FOXP2: variants seen among roughly 807,000 people sequenced by gnomAD.
FOXP2 encodes the protein forkhead box P2.
In FOXP2, 12 loss-of-function variants were observed where a neutral mutation model predicts 115.8. That is an observed-to-expected ratio of 0.10 (90% CI 0.07 to 0.17). The LOEUF is 0.17. Among genes scored for constraint, FOXP2 ranks in the 10% least tolerant of loss-of-function variants. FOXP2 has a pLI of 1.00. For synonymous variants in FOXP2, 328 were observed against 297.7 expected (o/e 1.10, Z -1.05); for missense variants, 629 against 843.5 (o/e 0.75, Z 3.15).
rs376143975 is a variant in FOXP2, at chr7:114,401,538, A to G, written c.-10-24964A>G. Among the ~76,000 whole-genome samples, 606 of 152,248 alleles carry G rather than the reference A, an allele frequency of 4.0e-3. 3 individuals carry two copies. The highest frequency in any genetic ancestry group is 0.018 in the South Asian group (86 of 4,826). ...GCCCCAATAATGCTGCTGGGTCGGC[A>G]TTATCAATCACGTGTCAACAGTTGA... On this transcript the variant is annotated intron_variant, in intron 2 of 17. Coordinates refer to the FOXP2 transcript ENST00000634411.
intron 1 of FOXP2, among the ~76,000 whole-genome samples, chr7:114,229,534 T>A (rs1794822078): frequency 6.6e-6 from 1 of 151,520 alleles, no homozygotes. Flanking sequence ...AAGATTGAAA[T>A]AATACCAAAT....
intron 1 of FOXP2, among the ~76,000 whole-genome samples, chr7:114,253,131 G>A (rs1291031428): frequency 2.0e-5 from 3 of 152,156 alleles, no homozygotes; most frequent in African/African-American, 4.8e-5. Context: ...CTGAGTTCTA[G>A]TTTGATTGCA....
chr7:114,656,558 TGCAGCATTTAGGA>T (rs1806601339), intron 10 of FOXP2: 1 of 437,284 alleles, frequency 2.3e-6, no homozygotes, highest in Non-Finnish European at 4.6e-6. Flanking sequence ...ATGTATTAAA[TGCAGCATTTAGGA>T]GCATTATCTC....
At chr7:114,347,254 T>A (rs1216645199) in intron 2 of FOXP2, among the ~76,000 whole-genome samples, 3 of 151,966 alleles carry the variant, frequency 2.0e-5, no homozygotes, top group Non-Finnish European at 4.4e-5. Context: ...AGGGGCTTCC[T>A]TTGAAGGATA....
chr7:114,463,451 G>A (rs1162185221), intron 2 of FOXP2, among the ~76,000 whole-genome samples: 1 of 152,190 alleles, frequency 6.6e-6, no homozygotes, highest in Admixed American at 6.5e-5. Flanking sequence ...ATGTTTTAAT[G>A]TGTTTAATTT....
At chr7:114,571,766 G>T (rs1189254816) in intron 3 of FOXP2, among the ~76,000 whole-genome samples, 1 of 151,804 alleles carries the variant, frequency 6.6e-6, no homozygotes, top group African/African-American at 2.4e-5. Context: ...GATGTGCATA[G>T]GTTATATGTA....
chr7:114,632,695 T>G (rs1247558351), intron 6 of FOXP2, among the ~76,000 whole-genome samples: 1 of 152,088 alleles, frequency 6.6e-6, no homozygotes, highest in Admixed American at 6.6e-5. Flanking sequence ...TCTCTTTGGC[T>G]TTTTTCCCCC....
chr7:114,252,499 C>A (rs1256693620), intron 1 of FOXP2, among the ~76,000 whole-genome samples: 4 of 152,116 alleles, frequency 2.6e-5, no homozygotes, highest in African/African-American at 9.7e-5. Context: ...AGAGATTCAA[C>A]TTCTTCCTGG....
chr7:114,155,038 C>A (rs573394030), intron 1 of FOXP2, among the ~76,000 whole-genome samples: 29 of 152,166 alleles, frequency 1.9e-4, no homozygotes, highest in African/African-American at 7.0e-4. Context: ...GTAAGTATTC[C>A]ATTTTCTAAA....
intron 2 of FOXP2, among the ~76,000 whole-genome samples, chr7:114,318,387 T>C (rs1007606124): frequency 6.6e-6 from 1 of 150,874 alleles, no homozygotes; most frequent in African/African-American, 2.4e-5. Context: ...TTGTTTTTTT[T>C]TTTTTTTTTT....
chr7:114,693,343 C>T lies in FOXP2; in HGVS notation c.*3417C>T, dbSNP rs1231098721. On this transcript the variant is annotated 3_prime_UTR_variant, in exon 17 of 17. Transcript: ENST00000350908. ...AGCTAGGAATAGAGCTACAGAAGTA[C>T]ACTTACATAAACCATCCTGGACTTT... The T allele has an allele frequency of 2.2e-6, 1 of 453,766 alleles. No homozygotes were observed. The highest frequency in any genetic ancestry group is 4.4e-6 in the Non-Finnish European group (1 of 226,588). The allele number at this position is 453,766 out of a possible 1,614,324, so 28.1% of individuals were successfully genotyped here.
intron 2 of FOXP2, among the ~76,000 whole-genome samples, chr7:114,474,620 A>G (rs960508903): frequency 2.6e-5 from 4 of 152,182 alleles, no homozygotes; most frequent in African/African-American, 9.7e-5. Flanking sequence ...GTAACAAAAC[A>G]TAAGATTTAG....
At chr7:114,255,502 G>A (rs529829975) in intron 1 of FOXP2, among the ~76,000 whole-genome samples, 9 of 152,290 alleles carry the variant, frequency 5.9e-5, no homozygotes, top group South Asian at 4.1e-4. Context: ...GGGGGCGCCC[G>A]TCCCTCAGCC....
At chr7:114,135,509 T>C (rs925985213) in intron 1 of FOXP2, among the ~76,000 whole-genome samples, 8 of 152,146 alleles carry the variant, frequency 5.3e-5, no homozygotes, top group African/African-American at 1.9e-4. Context: ...TTTCACACTT[T>C]CATTTTCTAA....
chr7:114,452,715 AT>A (rs1795125112), intron 2 of FOXP2, among the ~76,000 whole-genome samples: 1 of 152,108 alleles, frequency 6.6e-6, no homozygotes, highest in Non-Finnish European at 1.5e-5. Context: ...TCAAGATGTT[AT>A]TTAAGTACTC....
intron 2 of FOXP2, among the ~76,000 whole-genome samples, chr7:114,347,765 C>T (rs1049114211): frequency 1.3e-5 from 2 of 151,878 alleles, no homozygotes; most frequent in Non-Finnish European, 2.9e-5. Context: ...TTAAATGGCA[C>T]AGGGTAAGTA....
In FOXP2 at chr7:114,498,741, G is replaced by A. The variant is rs141291604; in HGVS notation, c.169-35876G>A. On this transcript the variant is annotated intron_variant, in intron 2 of 16. Coordinates refer to ENST00000350908, the MANE Select transcript of FOXP2 (RefSeq NM_014491.4). ...ATTTTTAACTGGTTAGAAATTATAA[G>A]CTATTCAGCAGCATCTTATTTAATT... The A allele has an allele frequency of 1.5e-3, 959 of 637,912 alleles. 11 individuals carry two copies. In the African/African-American group the frequency reaches 0.015, roughly 10 times the overall value. 39.5% of individuals were successfully genotyped at this position (637,912 alleles called of 1,614,324 possible).
chr7:114,142,352 TA>T (rs1207021893), intron 1 of FOXP2, among the ~76,000 whole-genome samples: 1 of 152,210 alleles, frequency 6.6e-6, no homozygotes, highest in Admixed American at 6.5e-5. Context: ...TTTACAGTTT[TA>T]AGCTTAGGAA....
chr7:114,670,018 C>A (rs1807407739), intron 16 of FOXP2: 1 of 152,008 alleles, frequency 6.6e-6, no homozygotes, highest in South Asian at 2.1e-4. Flanking sequence ...ACTCACAAAG[C>A]CTCCCATTGT....
Sources: allele counts gnomAD v4.1 joint callset (sites outside exome capture counted in the v4.1 genomes callset), GRCh38; gene constraint gnomAD v4.1.1; transcripts MANE v1.5; gene names NCBI Gene and HGNC (gene_info 2026-07-23, HGNC 2026-07-21).